The following GIT2 variants were observed in gnomAD, a reference collection of about 807,000 sequenced individuals.
GIT2 encodes ARF GTPase-activating protein GIT2.
GIT2 carries 32 observed loss-of-function variants against 100.3 expected under a neutral mutation model. The ratio of observed to expected loss-of-function variants is 0.32; its 90% CI spans 0.24 to 0.43. GIT2 has a LOEUF of 0.43. Among genes scored for constraint, GIT2 ranks in the 20% least tolerant of loss-of-function variants. The pLI, the probability that GIT2 is intolerant of heterozygous loss-of-function variation, is 1.00. For missense variants in GIT2, 737 were observed against 975.1 expected (o/e 0.76, Z 3.25); for synonymous variants, 353 against 364.1 (o/e 0.97, Z 0.35).
intron 12 of GIT2, among the ~76,000 whole-genome samples, chr12:109,958,785 CG>C (rs1214149612): frequency 6.6e-6 from 1 of 152,088 alleles, no homozygotes; most frequent in Non-Finnish European, 1.5e-5. Flanking sequence ...CAATGAAAAA[CG>C]TCTAATTTCT....
chr12:109,990,719 C>A (rs1888207399), intron 2 of GIT2, among the ~76,000 whole-genome samples: 2 of 152,128 alleles, frequency 1.3e-5, no homozygotes, highest in East Asian at 3.8e-4. Flanking sequence ...AATGTGTACC[C>A]CAAGATAGAA....
At chr12:109,979,042 G>A (rs996682535) in intron 7 of GIT2, among the ~76,000 whole-genome samples, 1 of 151,996 alleles carries the variant, frequency 6.6e-6, no homozygotes, top group Non-Finnish European at 1.5e-5. Flanking sequence ...CAGATGGTGA[G>A]AGAATAGAGA....
At chr12:109,997,988 A>G (rs1055781342), upstream of GIT2, 2 of 152,204 alleles carry the variant, frequency 1.3e-5, no homozygotes, top group African/African-American at 4.8e-5. Flanking sequence ...TTAGCCAGGT[A>G]CTATTTTGGT....
chr12:109,934,089 C>T lies in GIT2; in HGVS notation c.2004-4G>A. ...CCTCTCTGAGCAGGGAATATAACTG[C>T]AAGAATATTGAAGAAGTTATTCAAT... On this transcript the variant is annotated splice_polypyrimidine_tract_variant and splice_region_variant and intron_variant, in intron 18 of 19. Coordinates refer to ENST00000355312, the MANE Select transcript of GIT2 (RefSeq NM_057169.5). The surrounding 1 kb of genome is among the most constrained non-coding windows in gnomAD (Gnocchi z 4.5). 1 of 1,504,978 alleles carries T rather than the reference C, an allele frequency of 6.6e-7. No homozygotes were observed. The highest frequency in any genetic ancestry group is 2.3e-5 in the East Asian group (1 of 44,350). The allele number at this position is 1,504,978 out of a possible 1,614,324, so 93.2% of individuals were successfully genotyped here.
chr12:109,961,612 C>T lies in GIT2; in HGVS notation c.889+1G>A. On this transcript the variant is annotated splice_donor_variant, in intron 10 of 19. Coordinates refer to ENST00000355312, the MANE Select transcript of GIT2 (RefSeq NM_057169.5). LOFTEE classifies it high-confidence loss of function. ...TATTAGATAAAGCCACGTCAAGTCACCTGCATCCGTCTCTCGCCTGTCAAC... is the reference window on the plus strand; with the variant it reads ...TATTAGATAAAGCCACGTCAAGTCATCTGCATCCGTCTCTCGCCTGTCAAC... The T allele has an allele frequency of 6.3e-7, 1 of 1,589,630 alleles. No individual in the cohort carries two copies. Among genetic ancestry groups the T allele is most frequent in the Non-Finnish European group, 8.6e-7 (1 of 1,157,982 alleles).
intron 1 of GIT2, chr12:109,992,051 T>C (rs1277202700): frequency 3.6e-6 from 1 of 276,124 alleles, no homozygotes; most frequent in Non-Finnish European, 6.7e-6. Context: ...CCATTTCAGA[T>C]GCATGCTTTT....
At chr12:109,990,918 A>G (rs971402531) in intron 2 of GIT2, among the ~76,000 whole-genome samples, 1 of 152,268 alleles carries the variant, frequency 6.6e-6, no homozygotes, top group Admixed American at 6.5e-5. Flanking sequence ...GCAGAAAAAC[A>G]TGTTCTAAAA....
Position 109,974,482 on chromosome 12 carries a change from C to T in GIT2, c.718+6470G>A, listed in dbSNP as rs557260446. 5.9e-5 allele frequency among the ~76,000 whole-genome samples: 9 copies of T among 152,184 alleles called. No individual in the cohort carries two copies. The South Asian group carries it at 6.2e-4, about 11-fold the overall frequency. On this transcript the variant is annotated intron_variant, in intron 7 of 19. Coordinates refer to ENST00000355312, the MANE Select transcript of GIT2 (RefSeq NM_057169.5). ...CAGAGGTTGCAGCGAGCCAAGATTG[C>T]GCCACTGCACTCCAGCCTGGGCAAC...
At chr12:109,955,292 T>C (rs1879108084) in intron 12 of GIT2, among the ~76,000 whole-genome samples, 1 of 151,806 alleles carries the variant, frequency 6.6e-6, no homozygotes, top group Non-Finnish European at 1.5e-5. Flanking sequence ...CCCAGCTAAT[T>C]TTTTTGTATT....
chr12:109,959,750 T>C, intron 12 of GIT2, 97 bp downstream of exon 12: 1 of 731,428 alleles, frequency 1.4e-6, no homozygotes, highest in East Asian at 2.6e-5. Context: ...TATAGAACTG[T>C]CATGTTGATG....
At chr12:109,998,079 TA>T, upstream of GIT2, 1 of 152,188 alleles carries the variant, frequency 6.6e-6, no homozygotes, top group East Asian at 1.9e-4. Context: ...AGATTTTCAA[TA>T]AACACGGCAT....
intron 18 of GIT2, among the ~76,000 whole-genome samples, chr12:109,936,786 C>T (rs1307756978): frequency 6.6e-6 from 1 of 151,596 alleles, no homozygotes; most frequent in Non-Finnish European, 1.5e-5. Context: ...AGGAGGATCG[C>T]TTGAGCCAAG....
intron 12 of GIT2, among the ~76,000 whole-genome samples, chr12:109,956,209 C>G (rs762169806): frequency 6.6e-6 from 1 of 152,152 alleles, no homozygotes; most frequent in Non-Finnish European, 1.5e-5. Context: ...GGATTACAGG[C>G]GTGAGCCACT....
intron 18 of GIT2, among the ~76,000 whole-genome samples, chr12:109,936,372 A>G (rs925214819): frequency 2.6e-5 from 4 of 152,148 alleles, no homozygotes; most frequent in Admixed American, 6.6e-5. Context: ...CAAGCACCAT[A>G]TTGCATCTTT....
intron 16 of GIT2, among the ~76,000 whole-genome samples, chr12:109,940,951 A>T (rs938838973): frequency 2.0e-5 from 3 of 151,912 alleles, no homozygotes. Context: ...AACTCTACAT[A>T]AAGCCTGTCA....
intron 12 of GIT2, among the ~76,000 whole-genome samples, chr12:109,956,078 G>A (rs1313302736): frequency 2.6e-5 from 4 of 152,048 alleles, no homozygotes; most frequent in African/African-American, 9.7e-5. Context: ...ACAGGCACGC[G>A]TCACCATGCC....
rs1471259203 is a variant in GIT2, at chr12:109,989,670, T to G, written c.299+20A>C. 8.1e-7 allele frequency: 1 copy of G among 1,227,004 alleles called. No individual in the cohort carries two copies. Among genetic ancestry groups the G allele is most frequent in the Non-Finnish European group, 1.2e-6 (1 of 831,912 alleles). 76.0% of individuals were successfully genotyped at this position (1,227,004 alleles called of 1,614,324 possible). On this transcript the variant is annotated intron_variant, in intron 3 of 19. Coordinates refer to ENST00000355312, the MANE Select transcript of GIT2 (RefSeq NM_057169.5). ...CATTTGTTATGAAGAAATAAAAGTA[T>G]TTATAAACATTCCACTCACTGTACT...
At position 109,991,628 on chromosome 12, in the gene GIT2, T is replaced by C; in HGVS notation, c.185A>G (p.Gln62Arg). 1 of 1,611,732 alleles carries C rather than the reference T, an allele frequency of 6.2e-7. No individual in the cohort carries two copies. The highest frequency in any genetic ancestry group is 8.5e-7 in the Non-Finnish European group (1 of 1,178,110). Residue 62 changes from glutamine to arginine, a missense_variant and splice_region_variant, in exon 2 of 20, where the codon CAG becomes CGG. Physicochemically the swap from Gln to Arg is conservative, Grantham distance 43. This residue lies in a region of GIT2 where 266 missense variants were observed against 376.2 expected (regional missense o/e 0.71). Transcript: ENST00000355312. ...KHTPWPPTLL[Q>R]MVETLYNNGA... is the part of the protein sequence containing the mutation. ...GTCAGGAGAATTCTTATCCTTTACC[T>C]GAAGCAGTGTTGGAGGCCACGGTGT...
At chr12:109,949,087 T>C in intron 14 of GIT2, 2 of 539,874 alleles carry the variant, frequency 3.7e-6, no homozygotes, top group Non-Finnish European at 6.5e-6. Flanking sequence ...AATGCTTTTA[T>C]ATCACAAAGG....
Sources: gnomAD v4.1 joint callset for allele counts (sites outside exome capture counted in the v4.1 genomes callset) on GRCh38, gnomAD v4.1.1 for gene constraint, gnomAD v4.1.1 regional missense constraint, Gnocchi (gnomAD v3.1) non-coding constraint, MANE v1.5 for transcripts, NCBI Gene and HGNC (gene_info 2026-07-23, HGNC 2026-07-21) for gene names.